Variants in OTOGL observed in about 807,000 individuals in gnomAD.
OTOGL encodes the protein otogelin like.
In OTOGL, 285 loss-of-function variants were observed where a neutral mutation model predicts 318.5. The observed-to-expected ratio is 0.89, with a 90% CI of 0.81 to 0.99. The LOEUF is 0.99. OTOGL is among the 50% of genes least tolerant of loss of function. OTOGL has a pLI of 0.00. For missense variants in OTOGL, 2,899 were observed against 2,845.6 expected, an observed-to-expected ratio of 1.02 and a Z score of -0.43; for synonymous variants, 987 against 936.5, an observed-to-expected ratio of 1.05 and a Z score of -0.99.
chr12:80,266,654 ATC>A, intron 21 of OTOGL, 38 bp downstream of exon 21: 2 of 1,577,116 alleles, frequency 1.3e-6, no homozygotes, highest in Non-Finnish European at 1.7e-6. Flanking sequence ...TCCTGTTTTA[ATC>A]TCTTTTTCTC....
chr12:80,365,772 C>A lies in OTOGL; in HGVS notation c.6268-802C>A, dbSNP rs371990662. 3.5e-3 allele frequency among the ~76,000 whole-genome samples: 528 copies of A among 152,038 alleles called. 7 individuals carry two copies. Among genetic ancestry groups the A allele is most frequent in the African/African-American group, 0.012 (503 of 41,484 alleles). On this transcript the variant is annotated intron_variant, in intron 52 of 58. Transcript: ENST00000547103. ...ATTATTAGCTTATGAGGAAAAATGC[C>A]TTTTATGTGAATGTATTGGAATCAT...
chr12:80,342,641 C>T (rs1888855639), intron 44 of OTOGL, among the ~76,000 whole-genome samples: 1 of 152,040 alleles, frequency 6.6e-6, no homozygotes, highest in Non-Finnish European at 1.5e-5. Flanking sequence ...TTTAAAAAAT[C>T]CATTATTAAA....
At chr12:80,356,968 A>G (rs575423135) in intron 49 of OTOGL, 54 bp downstream of exon 49, 1 of 1,204,172 alleles carries the variant, frequency 8.3e-7, no homozygotes, top group African/African-American at 1.6e-5. Flanking sequence ...TAGGAAAAAA[A>G]TCTCTTATTT....
chr12:80,232,995 T>C lies in OTOGL; in HGVS notation c.715T>C (p.Ser239Pro), dbSNP rs1291394309. ...CTTTTCATTGGCTTGGGACGGGATA[T>C]CTGGGATCTACCTCAAGCTGTCTGA... ...FGFSLAWDGI[S>P]GIYLKLSEDH... is the part of the protein sequence containing the mutation. Residue 239 changes from serine to proline, a missense_variant, in exon 9 of 59, where the codon TCT (serine) becomes CCT (proline). Ser to Pro is a moderately conservative substitution (Grantham distance 74, BLOSUM62 -1). Around this residue, in one of 3 missense-constraint regions of OTOGL, gnomAD observed 2,607 missense variants for 2,524.9 expected, o/e 1.03. Transcript: ENST00000547103. 1.9e-6 allele frequency: 3 copies of C among 1,598,766 alleles called. No homozygotes were observed. The Admixed American group carries it at 5.0e-5, about 27-fold the overall frequency.
At chr12:80,242,082 C>T (rs1019096689) in intron 11 of OTOGL, among the ~76,000 whole-genome samples, 2 of 152,134 alleles carry the variant, frequency 1.3e-5, no homozygotes, top group African/African-American at 4.8e-5. Flanking sequence ...CTTTGGCTGG[C>T]AGCCATCTAC....
At chr12:80,327,477 T>C (rs1393425989) in intron 35 of OTOGL, among the ~76,000 whole-genome samples, 3 of 152,180 alleles carry the variant, frequency 2.0e-5, no homozygotes, top group Non-Finnish European at 4.4e-5. Flanking sequence ...TTCCTCTCCC[T>C]GTTCTCAAAA....
chr12:80,355,373 C>T (rs1396366487), intron 46 of OTOGL, among the ~76,000 whole-genome samples: 1 of 151,442 alleles, frequency 6.6e-6, no homozygotes, highest in Non-Finnish European at 1.5e-5. Flanking sequence ...TACAGGCATG[C>T]CACTACACTT....
intron 1 of OTOGL, among the ~76,000 whole-genome samples, chr12:80,166,491 A>G (rs1239978532): frequency 6.6e-6 from 1 of 152,142 alleles, no homozygotes; most frequent in Non-Finnish European, 1.5e-5. Context: ...CTTCACTGGA[A>G]TTCACGTGAA....
At position 80,271,791 on chromosome 12, in the gene OTOGL, G is replaced by A. The variant is rs771111278; in HGVS notation, c.2662G>A (p.Gly888Ser). ...TCTPSSPCIS[G>S]CVCAPGMAEH... ...CACCCCATCCTCACCCTGTATAAGT[G>A]GCTGTGTTTGTGCTCCAGGGTAAGC... is the stretch of plus-strand genomic sequence containing the variant. Residue 888 changes from glycine (G) to serine (S), a missense_variant, in exon 24 of 59, where the codon GGC becomes AGC. This residue lies in a region of OTOGL where 2,607 missense variants were observed against 2,524.9 expected (regional missense o/e 1.03). Coordinates refer to ENST00000547103, the MANE Select transcript of OTOGL (RefSeq NM_001378609.3). 2.5e-6 allele frequency: 4 copies of A among 1,612,718 alleles called. No individual in the cohort carries two copies. In the Admixed American group the frequency reaches 6.7e-5, roughly 27 times the overall value.
At chr12:80,323,456 C>A (rs1321717834) in intron 34 of OTOGL, among the ~76,000 whole-genome samples, 1 of 152,080 alleles carries the variant, frequency 6.6e-6, no homozygotes, top group Non-Finnish European at 1.5e-5. Context: ...CGAGACCATT[C>A]TGGTCAACAA....
intron 1 of OTOGL, among the ~76,000 whole-genome samples, chr12:80,186,681 A>C (rs1380942710): frequency 6.6e-6 from 1 of 151,812 alleles, no homozygotes; most frequent in Non-Finnish European, 1.5e-5. Context: ...TGCTCTCCCC[A>C]ACTCTTCTCT....
chr12:80,208,938 G>C (rs756183670), intron 1 of OTOGL, among the ~76,000 whole-genome samples: 2 of 152,004 alleles, frequency 1.3e-5, no homozygotes. Context: ...AATTATTCAA[G>C]AACATGTAGA....
chr12:80,235,627 CAG>C (rs1879778588), intron 9 of OTOGL, among the ~76,000 whole-genome samples: 1 of 152,110 alleles, frequency 6.6e-6, no homozygotes, highest in Middle Eastern at 3.4e-3. Context: ...TTATATGTTC[CAG>C]ATAACCTGGA....
Position 80,360,034 on chromosome 12 carries a change from C to T in OTOGL, c.6267+1134C>T, listed in dbSNP as rs374409826. Among the ~76,000 whole-genome samples, 10 of 152,192 alleles carry T rather than the reference C, an allele frequency of 6.6e-5. No homozygotes were observed. The East Asian group carries it at 1.2e-3, about 18-fold the overall frequency. ...ATATTCCTTATTCTTTCTACTTTGC[C>T]TTAACTCTTTATTTCCCTTAGAAAA... On this transcript the variant is annotated intron_variant, in intron 52 of 58. Transcript: ENST00000547103.
chr12:80,147,426 G>C (rs1872463792), intron 1 of OTOGL, among the ~76,000 whole-genome samples: 1 of 151,072 alleles, frequency 6.6e-6, no homozygotes, highest in African/African-American at 2.5e-5. Flanking sequence ...GAGACAGTTT[G>C]TTATAATCTC....
At chr12:80,245,153 C>T (rs1428372593) in intron 11 of OTOGL, among the ~76,000 whole-genome samples, 3 of 74,216 alleles carry the variant, frequency 4.0e-5, no homozygotes, top group Non-Finnish European at 2.4e-5. Flanking sequence ...TGTGCAGAAG[C>T]TCTTTAGTTT....
chr12:80,342,139 A>T lies in OTOGL; in HGVS notation c.5242A>T (p.Ile1748Phe). ...SQCIDLLNRR[I>F]FIPCHDKVSP... is the part of the protein sequence containing the mutation. Reference sequence around the variant, plus strand: ...GTGCATTGATTTATTAAATAGAAGAATTTTCATTCCATGTCATGATAAAGT... The same window carrying T: ...GTGCATTGATTTATTAAATAGAAGATTTTTCATTCCATGTCATGATAAAGT... The change falls in exon 44 of 59, where the codon ATT (isoleucine) becomes TTT (phenylalanine). Residue 1748 changes from isoleucine (I) to phenylalanine (F), a missense_variant. Physicochemically the swap from Ile to Phe is conservative, Grantham distance 21. Transcript: ENST00000547103. 6.3e-7 allele frequency: 1 copy of T among 1,583,804 alleles called. No homozygotes were observed. Among genetic ancestry groups the T allele is most frequent in the Non-Finnish European group, 8.6e-7 (1 of 1,163,034 alleles).
chr12:80,313,402 GT>G (rs1290380735), intron 30 of OTOGL, 73 bp from the exon 31 acceptor site: 34 of 1,415,862 alleles, frequency 2.4e-5, no homozygotes, highest in Non-Finnish European at 3.2e-5. Flanking sequence ...AAAACACATA[GT>G]TTTTTAGACG....
intron 57 of OTOGL, among the ~76,000 whole-genome samples, chr12:80,374,879 C>A (rs1446022419): frequency 6.6e-6 from 1 of 152,074 alleles, no homozygotes; most frequent in Non-Finnish European, 1.5e-5. Context: ...ACATTGCTGA[C>A]AGGACCACAC....
Sources: gnomAD v4.1 joint callset for allele counts (sites outside exome capture counted in the v4.1 genomes callset) on GRCh38, gnomAD v4.1.1 for gene constraint, gnomAD v4.1.1 regional missense constraint, MANE v1.5 for transcripts, NCBI Gene and HGNC (gene_info 2026-07-23, HGNC 2026-07-21) for gene names.